The following GPHN variants were observed in gnomAD, a reference collection of about 807,000 sequenced individuals.
GPHN encodes gephyrin.
Under a neutral mutation model 95.5 loss-of-function variants are expected in GPHN, and 17 were observed. That is an observed-to-expected ratio of 0.18 (90% CI 0.12 to 0.27). The LOEUF (loss-of-function observed/expected upper bound fraction) is 0.27. GPHN is among the 10% of genes least tolerant of loss of function. The pLI, the probability that GPHN is intolerant of heterozygous loss-of-function variation, is 1.00. For synonymous variants in GPHN, 320 were observed against 322.5 expected (o/e 0.99, Z 0.08); for missense variants, 660 against 978.1 (o/e 0.67, Z 4.34).
chr14:66,755,145 T>C (rs2058511851), intron 2 of GPHN, among the ~76,000 whole-genome samples: 1 of 152,008 alleles, frequency 6.6e-6, no homozygotes, highest in South Asian at 2.1e-4. Flanking sequence ...AGAATATGGA[T>C]TTATAAAGGT....
At chr14:67,393,776 G>A in the GPHN span, among the ~76,000 whole-genome samples, 2 of 152,102 alleles carry the variant, frequency 1.3e-5, no homozygotes, top group Non-Finnish European at 2.9e-5. Flanking sequence ...TTTGACTCCT[G>A]CATACCACGG....
At chr14:67,686,237 TTG>T in the GPHN span, 1 of 152,214 alleles carries the variant, frequency 6.6e-6, no homozygotes, top group South Asian at 2.1e-4. Flanking sequence ...AAGTTCCCTT[TTG>T]TGACTCATTT....
intron 9 of GPHN, among the ~76,000 whole-genome samples, chr14:66,997,738 G>A (rs1033749333): frequency 6.6e-6 from 1 of 152,128 alleles, no homozygotes; most frequent in Non-Finnish European, 1.5e-5. Flanking sequence ...TTTTAACTTT[G>A]CAAGTTATAA....
chr14:67,237,975 G>A, the GPHN span, among the ~76,000 whole-genome samples: 1 of 140,376 alleles, frequency 7.1e-6, no homozygotes, highest in Non-Finnish European at 1.5e-5. Context: ...ATATGCAGAG[G>A]CTACCAAATC....
the GPHN span, among the ~76,000 whole-genome samples, chr14:67,229,395 C>A: frequency 1.3e-5 from 2 of 152,168 alleles, no homozygotes; most frequent in African/African-American, 4.8e-5. Context: ...CTGTGCAGTC[C>A]CATATGATGG....
the GPHN span, chr14:67,199,238 G>C: frequency 3.7e-6 from 6 of 1,602,896 alleles, no homozygotes; most frequent in Non-Finnish European, 5.1e-6. Flanking sequence ...ATGACTTTGT[G>C]AATTCTTGAG....
At chr14:67,507,378 C>T in the GPHN span, among the ~76,000 whole-genome samples, 1 of 152,104 alleles carries the variant, frequency 6.6e-6, no homozygotes, top group Middle Eastern at 3.4e-3. Context: ...AACAAAAAAA[C>T]ATCAACCAGA....
At chr14:67,177,533 G>A (rs192910802) in intron 21 of GPHN, among the ~76,000 whole-genome samples, 1 of 152,306 alleles carries the variant, frequency 6.6e-6, no homozygotes, top group African/African-American at 2.4e-5. Flanking sequence ...GCGATGTGTT[G>A]CTGAGAAGAA....
chr14:66,803,750 A>G (rs2060444944), intron 3 of GPHN, among the ~76,000 whole-genome samples: 1 of 149,220 alleles, frequency 6.7e-6, no homozygotes, highest in African/African-American at 2.5e-5. Flanking sequence ...ATTGTTGTTG[A>G]TCTGTCTTTG....
intron 2 of GPHN, among the ~76,000 whole-genome samples, chr14:66,771,989 T>C (rs1168300667): frequency 2.0e-5 from 3 of 152,138 alleles, no homozygotes; most frequent in Non-Finnish European, 2.9e-5. Context: ...TGTGTGGCAA[T>C]TTTATAGAAA....
chr14:67,477,894 G>A, the GPHN span, among the ~76,000 whole-genome samples: 7 of 152,170 alleles, frequency 4.6e-5, no homozygotes, highest in Admixed American at 6.5e-5. Flanking sequence ...AAGTCTGTCT[G>A]GCTTCCTCTG....
chr14:67,052,982 C>T (rs572929165), intron 10 of GPHN, among the ~76,000 whole-genome samples: 5 of 151,188 alleles, frequency 3.3e-5, no homozygotes, highest in Admixed American at 1.3e-4. Flanking sequence ...TAAATGCCCA[C>T]ATCAGAAAGT....
chr14:66,984,884 A>G (rs2070915123), intron 9 of GPHN, among the ~76,000 whole-genome samples: 1 of 151,930 alleles, frequency 6.6e-6, no homozygotes, highest in South Asian at 2.1e-4. Flanking sequence ...TATCCAAAAC[A>G]TTAGTTCTCA....
At chr14:67,366,492 T>G in the GPHN span, among the ~76,000 whole-genome samples, 1 of 152,240 alleles carries the variant, frequency 6.6e-6, no homozygotes, top group Admixed American at 6.5e-5. Context: ...TAAAGATATT[T>G]CCATAGCATT....
intron 9 of GPHN, among the ~76,000 whole-genome samples, chr14:66,981,216 C>A (rs1461597569): frequency 3.3e-5 from 5 of 151,924 alleles, no homozygotes; most frequent in Non-Finnish European, 5.9e-5. Context: ...ATTTCCTTTC[C>A]TCCAGAAACA....
intron 3 of GPHN, among the ~76,000 whole-genome samples, chr14:66,816,963 G>C (rs1306927728): frequency 6.6e-6 from 1 of 151,898 alleles, no homozygotes; most frequent in Admixed American, 6.6e-5. Context: ...TTACTCTTTG[G>C]CAATAATTTT....
chr14:67,645,902 G>A, the GPHN span: 2 of 1,319,598 alleles, frequency 1.5e-6, no homozygotes, highest in Non-Finnish European at 2.1e-6. Flanking sequence ...GGTTGAGTGT[G>A]GATTACCACT....
chr14:67,586,270 C>A, the GPHN span: 1 of 1,080,422 alleles, frequency 9.3e-7, no homozygotes, highest in Non-Finnish European at 1.4e-6. Context: ...ATCTCCGTAT[C>A]AATGTTCAGC....
At chr14:66,774,978 A>G (rs916198291) in intron 2 of GPHN, among the ~76,000 whole-genome samples, 12 of 152,126 alleles carry the variant, frequency 7.9e-5, no homozygotes, top group Non-Finnish European at 1.2e-4. Flanking sequence ...TTTTCTCTGA[A>G]TGCCACTGAA....
Sources: gnomAD v4.1 joint callset for allele counts (sites outside exome capture counted in the v4.1 genomes callset) on GRCh38, gnomAD v4.1.1 for gene constraint, MANE v1.5 for transcripts, NCBI Gene and HGNC (gene_info 2026-07-23, HGNC 2026-07-21) for gene names.